NEK10: variants seen among roughly 807,000 people sequenced by gnomAD.
NEK10 encodes NIMA related kinase 10.
Under a neutral mutation model 159.8 loss-of-function variants are expected in NEK10, and 122 were observed. The ratio of observed to expected loss-of-function variants is 0.76; its 90% CI spans 0.66 to 0.89. NEK10 has a LOEUF of 0.89. Ranked by LOEUF, NEK10 falls within the 40% of genes least tolerant of loss-of-function variation. The probability of loss-of-function intolerance (pLI) is 0.00; values close to 1 mark genes in which losing one functional copy is unlikely to be tolerated. For synonymous variants in NEK10, 466 were observed against 457.1 expected (o/e 1.02, Z -0.25); for missense variants, 1,342 against 1,323.1 (o/e 1.01, Z -0.22).
chr3:27,214,099 A>G (rs771457280), intron 23 of NEK10, among the ~76,000 whole-genome samples: 3 of 152,238 alleles, frequency 2.0e-5, no homozygotes, highest in Non-Finnish European at 4.4e-5. Context: ...GTCTTAGATA[A>G]TATCAGTTTT....
rs1182182862 is a variant in NEK10 at position 27,192,131 on chromosome 3, CA to C, written c.2402del (p.Leu801TrpfsTer5). ...LDNLSTSQLS[L>X]EKKLERERRR... is the part of the protein sequence containing the mutation. ...TTCGTTCCCGTTCTAGCTTCTTTTC[CA>C]AGGACAACTGGGATGTAGATAAGTT... On this transcript the variant is annotated frameshift_variant, in exon 26 of 36. Transcript: ENST00000691995. LOFTEE classifies it high-confidence loss of function. 6.2e-7 allele frequency: 1 copy of C among 1,614,002 alleles called. No homozygotes were observed. The highest frequency in any genetic ancestry group is 1.3e-5 in the African/African-American group (1 of 74,916).
At chr3:27,138,722 G>C (rs556075608) in intron 31 of NEK10, among the ~76,000 whole-genome samples, 1 of 152,312 alleles carries the variant, frequency 6.6e-6, no homozygotes, top group South Asian at 2.1e-4. Flanking sequence ...CCTTGGAACT[G>C]AGCCCAGTGC....
intron 22 of NEK10, among the ~76,000 whole-genome samples, chr3:27,257,209 C>A (rs1956294184): frequency 6.6e-6 from 1 of 152,196 alleles, no homozygotes; most frequent in African/African-American, 2.4e-5. Context: ...CCACCAGGCC[C>A]AGCCTGTCTT....
chr3:27,303,707 C>T (rs1168264820), intron 12 of NEK10, among the ~76,000 whole-genome samples: 7 of 152,190 alleles, frequency 4.6e-5, no homozygotes, highest in African/African-American at 1.7e-4. Context: ...TATTCTTATG[C>T]TTCTGAATGT....
chr3:27,342,568 T>G (rs1277151275), intron 5 of NEK10, among the ~76,000 whole-genome samples: 1 of 152,222 alleles, frequency 6.6e-6, no homozygotes, highest in Admixed American at 6.5e-5. Flanking sequence ...TTCCAGGTAC[T>G]GCTCATGTTA....
intron 5 of NEK10, among the ~76,000 whole-genome samples, chr3:27,323,572 G>C (rs2045802145): frequency 6.6e-6 from 1 of 151,736 alleles, no homozygotes; most frequent in Non-Finnish European, 1.5e-5. Flanking sequence ...AGAAACTGAA[G>C]GTGTATTTGC....
Position 27,107,453 on chromosome 3 carries a change from C to T in NEK10, c.*3819G>A, listed in dbSNP as rs910268713. ...ATGAAAAACAGCGTTCAAGTGTAAG[C>T]ATATTGTTAGCAACACATTTCAACT... is the stretch of plus-strand genomic sequence containing the variant. On this transcript the variant is annotated 3_prime_UTR_variant, in exon 36 of 36. Transcript: ENST00000691995. 3.3e-5 allele frequency among the ~76,000 whole-genome samples: 5 copies of T among 152,138 alleles called. No homozygotes were observed. The highest frequency in any genetic ancestry group is 9.7e-5 in the African/African-American group (4 of 41,428).
intron 28 of NEK10, 72 bp downstream of exon 28, chr3:27,174,367 G>C: frequency 6.3e-7 from 1 of 1,599,196 alleles, no homozygotes; most frequent in Non-Finnish European, 8.5e-7. Context: ...ATATTTGCTT[G>C]ACTCAAGTAT....
intron 22 of NEK10, among the ~76,000 whole-genome samples, chr3:27,267,679 TC>T (rs1478797213): frequency 6.6e-6 from 1 of 152,152 alleles, no homozygotes; most frequent in African/African-American, 2.4e-5. Context: ...GACTGGCTGT[TC>T]CCCCAGCTCT....
At position 27,292,927 on chromosome 3, in the gene NEK10, C is replaced by T. The variant is rs145393172; in HGVS notation, c.1373+661G>A. Reference sequence around the variant, plus strand: ...CTCCATGCTTTCTGAACAAAAAATACTATATTAACTCAATACTTTATGTCT... The same window carrying T: ...CTCCATGCTTTCTGAACAAAAAATATTATATTAACTCAATACTTTATGTCT... On this transcript the variant is annotated intron_variant, in intron 16 of 35. Transcript: ENST00000691995. 1.5e-3 allele frequency among the ~76,000 whole-genome samples: 227 copies of T among 152,204 alleles called. 1 individual carries two copies. The East Asian group carries it at 0.037, about 25-fold the overall frequency.
At chr3:27,252,043 T>C (rs1955723919) in intron 23 of NEK10, among the ~76,000 whole-genome samples, 1 of 152,204 alleles carries the variant, frequency 6.6e-6, no homozygotes, top group African/African-American at 2.4e-5. Context: ...TATTAAAAAA[T>C]GACTTGTTTT....
chr3:27,276,906 C>T (rs2041814732), intron 22 of NEK10, among the ~76,000 whole-genome samples: 1 of 152,164 alleles, frequency 6.6e-6, no homozygotes, highest in African/African-American at 2.4e-5. Context: ...ACCAAATCCT[C>T]TCCCTTTCTC....
At chr3:27,153,402 CAG>C (rs1404984032) in intron 30 of NEK10, among the ~76,000 whole-genome samples, 1 of 151,344 alleles carries the variant, frequency 6.6e-6, no homozygotes, top group Non-Finnish European at 1.5e-5. Flanking sequence ...GTTATCAAGA[CAG>C]AAAGTCAACA....
rs186060925 is a variant in NEK10 at position 27,256,751 on chromosome 3, C to T, written c.2015-380G>A. ...AAAACCTAAAATTAACTGGCATCAACGTGTACTAATCACAGTACAAGTATG... is the reference window on the plus strand; with the variant it reads ...AAAACCTAAAATTAACTGGCATCAATGTGTACTAATCACAGTACAAGTATG... On this transcript the variant is annotated intron_variant, in intron 22 of 35. Transcript: ENST00000691995. Among the ~76,000 whole-genome samples, 105 of 152,190 alleles carry T rather than the reference C, an allele frequency of 6.9e-4. 1 individual carries two copies. The highest frequency in any genetic ancestry group is 2.9e-3 in the South Asian group (14 of 4,818).
In NEK10 at chr3:27,106,769, A is replaced by G. The variant is rs979332218; in HGVS notation, c.*4503T>C. On this transcript the variant is annotated 3_prime_UTR_variant, in exon 36 of 36. Transcript: ENST00000691995. ...CTAATTTTTCATTTGTGAACTCACC[A>G]TATCAATTCCAAGTATCCATCTGGA... 2.0e-5 allele frequency among the ~76,000 whole-genome samples: 3 copies of G among 152,216 alleles called. No individual in the cohort carries two copies. The highest frequency in any genetic ancestry group is 6.5e-5 in the Admixed American group (1 of 15,280).
At chr3:27,320,701 C>T (rs2149652088) in intron 6 of NEK10, among the ~76,000 whole-genome samples, 1 of 152,274 alleles carries the variant, frequency 6.6e-6, no homozygotes, top group South Asian at 2.1e-4. Flanking sequence ...CAAGGATGCC[C>T]TGGCTCACAT....
chr3:27,241,117 A>T lies in NEK10; in HGVS notation c.2090+15179T>A, dbSNP rs186803587. On this transcript the variant is annotated intron_variant, in intron 23 of 35. Coordinates refer to ENST00000691995, the MANE Select transcript of NEK10 (RefSeq NM_001394966.1). Reference sequence around the variant, plus strand: ...CTCAACTCAATGTAACTGTGAGGAAAATCTAAAAACAGACTTCAGGGACAT... The same window carrying T: ...CTCAACTCAATGTAACTGTGAGGAATATCTAAAAACAGACTTCAGGGACAT... 3.3e-5 allele frequency among the ~76,000 whole-genome samples: 5 copies of T among 152,302 alleles called. No homozygotes were observed. In the East Asian group the frequency reaches 9.6e-4, roughly 29 times the overall value.
intron 35 of NEK10, among the ~76,000 whole-genome samples, chr3:27,113,385 C>T (rs571644076): frequency 3.1e-4 from 43 of 138,104 alleles, no homozygotes; most frequent in South Asian, 1.4e-3. Flanking sequence ...GAGCCAAGAT[C>T]GCACCATTGC....
intron 1 of NEK10, among the ~76,000 whole-genome samples, chr3:27,365,617 T>TG (rs2049016594): frequency 7.4e-6 from 1 of 134,262 alleles, no homozygotes; most frequent in Non-Finnish European, 1.6e-5. Flanking sequence ...TGTGTTTTTT[T>TG]TTTTTTTTTT....
Sources: gnomAD v4.1 joint callset for allele counts (sites outside exome capture counted in the v4.1 genomes callset) on GRCh38, gnomAD v4.1.1 for gene constraint, MANE v1.5 for transcripts, NCBI Gene and HGNC (gene_info 2026-07-23, HGNC 2026-07-21) for gene names.